The following FSTL4 variants were observed in gnomAD, a reference collection of about 807,000 sequenced individuals.
FSTL4 encodes follistatin like 4, also known as follistatin-related protein 4.
A neutral mutation model predicts 78.2 loss-of-function variants in FSTL4; 28 were observed. The observed-to-expected ratio is 0.36, with a 90% confidence interval of 0.27 to 0.49. FSTL4 has a LOEUF of 0.49. Ranked by LOEUF, FSTL4 falls within the 20% of genes least tolerant of loss-of-function variation. The pLI, the probability that FSTL4 is intolerant of heterozygous loss-of-function variation, is 0.98. For synonymous variants in FSTL4, 422 were observed against 440.5 expected, an observed-to-expected ratio of 0.96 and a Z score of 0.53; for missense variants, 922 against 1,084.9, an observed-to-expected ratio of 0.85 and a Z score of 2.11.
At chr5:133,458,307 T>G (rs1554116032) in intron 3 of FSTL4, 3 of 152,172 alleles carry the variant, frequency 2.0e-5, no homozygotes, top group Non-Finnish European at 4.4e-5. Context: ...TATGTATTAA[T>G]AAAAAAGAAT....
At chr5:133,532,567 G>A (rs1759277950) in intron 3 of FSTL4, among the ~76,000 whole-genome samples, 1 of 152,140 alleles carries the variant, frequency 6.6e-6, no homozygotes, top group Non-Finnish European at 1.5e-5. Context: ...CTGCTAGACA[G>A]AACAGAGGCC....
the FSTL4 span, among the ~76,000 whole-genome samples, chr5:133,736,522 T>C: frequency 3.9e-5 from 6 of 152,304 alleles, no homozygotes; most frequent in Admixed American, 3.9e-4. Flanking sequence ...TTTGAAACAC[T>C]GGTCCTTTAG....
At chr5:133,431,488 G>A (rs11741177) in intron 3 of FSTL4, among the ~76,000 whole-genome samples, 89,390 of 152,006 alleles carry the variant, frequency 0.59, 26,343 homozygotes, top group African/African-American at 0.62. Flanking sequence ...GAGACCGGGA[G>A]GAGATACTCT....
chr5:133,810,279 C>T, the FSTL4 span, among the ~76,000 whole-genome samples: 3 of 152,244 alleles, frequency 2.0e-5, no homozygotes, highest in East Asian at 1.9e-4. Flanking sequence ...TATCAGAATC[C>T]TCCAGTTCTT....
chr5:133,225,964 G>A lies in FSTL4; in HGVS notation c.1016-145C>T. 1.9e-6 allele frequency: 1 copy of A among 519,830 alleles called. No individual in the cohort carries two copies. The highest frequency in any genetic ancestry group is 3.3e-6 in the Non-Finnish European group (1 of 300,166). 32.2% of individuals were successfully genotyped at this position (519,830 alleles called of 1,614,324 possible). On this transcript the variant is annotated intron_variant, in intron 8 of 15. Transcript: ENST00000265342. The surrounding 1 kb of genome is among the most constrained non-coding windows in gnomAD (Gnocchi z 4.6). ...TGTTTAACCAAATTATAATAATCCT[G>A]TCCAGCAACGCAAGCTCTAAAAGAA... is the stretch of plus-strand genomic sequence containing the variant.
the FSTL4 span, among the ~76,000 whole-genome samples, chr5:133,664,023 T>A: frequency 3.3e-5 from 5 of 150,614 alleles, no homozygotes; most frequent in African/African-American, 1.2e-4. Context: ...CCAAGTGGGC[T>A]TGTACTGTAT....
intron 4 of FSTL4, among the ~76,000 whole-genome samples, chr5:133,380,893 C>G (rs1204835295): frequency 6.6e-6 from 1 of 151,516 alleles, no homozygotes; most frequent in East Asian, 1.9e-4. Context: ...ACATCATTAC[C>G]AAGTGGGATT....
chr5:133,274,679 A>T (rs899664263), intron 6 of FSTL4, among the ~76,000 whole-genome samples: 1 of 152,180 alleles, frequency 6.6e-6, no homozygotes, highest in Non-Finnish European at 1.5e-5. Flanking sequence ...CCGTCAACAC[A>T]GCAGTCCTCG....
chr5:133,494,777 G>A (rs763992776), intron 3 of FSTL4, among the ~76,000 whole-genome samples: 2 of 152,188 alleles, frequency 1.3e-5, no homozygotes, highest in African/African-American at 2.4e-5. Context: ...CCTGTGGCCC[G>A]GGTGTGCTGA....
At chr5:133,286,652 T>C (rs982219343) in intron 6 of FSTL4, among the ~76,000 whole-genome samples, 2 of 152,150 alleles carry the variant, frequency 1.3e-5, no homozygotes, top group African/African-American at 4.8e-5. Flanking sequence ...ACTATGCATC[T>C]GAAGCAAGGT....
the FSTL4 span, among the ~76,000 whole-genome samples, chr5:133,790,947 T>C: frequency 6.6e-6 from 1 of 152,254 alleles, no homozygotes; most frequent in South Asian, 2.1e-4. Flanking sequence ...AAAATAATAC[T>C]TTTAAAACAG....
chr5:133,572,766 A>G (rs1760188198), intron 2 of FSTL4, among the ~76,000 whole-genome samples: 1 of 152,198 alleles, frequency 6.6e-6, no homozygotes, highest in Admixed American at 6.5e-5. Context: ...AAGTGTTATA[A>G]TGTCCTAGTA....
chr5:133,381,261 C>G (rs1755561768), intron 4 of FSTL4, among the ~76,000 whole-genome samples: 1 of 152,178 alleles, frequency 6.6e-6, no homozygotes, highest in Non-Finnish European at 1.5e-5. Context: ...CAAATGCTGG[C>G]TGTCAACAGC....
In FSTL4 at chr5:133,213,058, G is replaced by C. The variant is rs538881842; in HGVS notation, c.1609-2760C>G. 1.4e-4 allele frequency among the ~76,000 whole-genome samples: 18 copies of C among 131,142 alleles called. 1 individual carries two copies. In the South Asian group the frequency reaches 4.6e-3, roughly 34 times the overall value. The allele number at this position is 131,142 out of a possible 152,430, so 86.0% of individuals were successfully genotyped here. On this transcript the variant is annotated intron_variant, in intron 13 of 15. Coordinates refer to ENST00000265342, the MANE Select transcript of FSTL4 (RefSeq NM_015082.2). ...GACGGAGTCTCCCTTTGTCACCCAG[G>C]CTGGTGCAATCTTGGCTCACTGCAA...
intron 4 of FSTL4, among the ~76,000 whole-genome samples, chr5:133,364,837 G>A (rs1580651631): frequency 6.6e-6 from 1 of 152,066 alleles, no homozygotes; most frequent in Admixed American, 6.5e-5. Context: ...TTCTGTGTAT[G>A]CTGTTTCTCC....
chr5:133,380,166 G>A (rs1327310904), intron 4 of FSTL4, among the ~76,000 whole-genome samples: 1 of 151,806 alleles, frequency 6.6e-6, no homozygotes, highest in Non-Finnish European at 1.5e-5. Context: ...AAAACAAGCA[G>A]GGCAAGCAAG....
intron 2 of FSTL4, among the ~76,000 whole-genome samples, chr5:133,602,444 AT>A (rs1760890000): frequency 1.3e-5 from 2 of 152,222 alleles, no homozygotes; most frequent in African/African-American, 4.8e-5. Context: ...TGATACTTTT[AT>A]TTGAAATAAG....
At chr5:133,240,480 C>T (rs1413180850) in intron 7 of FSTL4, among the ~76,000 whole-genome samples, 1 of 152,178 alleles carries the variant, frequency 6.6e-6, no homozygotes, top group African/African-American at 2.4e-5. Flanking sequence ...GCCTGTCCTC[C>T]TGCTCGTTCC....
At chr5:133,449,278 G>A (rs951395858) in intron 3 of FSTL4, among the ~76,000 whole-genome samples, 33 of 152,106 alleles carry the variant, frequency 2.2e-4, no homozygotes, top group African/African-American at 7.5e-4. Context: ...AGATGACCCC[G>A]ACACCCCTCT....
Sources: allele counts gnomAD v4.1 joint callset (sites outside exome capture counted in the v4.1 genomes callset), GRCh38; gene constraint gnomAD v4.1.1; non-coding constraint Gnocchi (gnomAD v3.1); transcripts MANE v1.5; gene names NCBI Gene and HGNC (gene_info 2026-07-23, HGNC 2026-07-21).